Variants in LGALS3BP observed in about 807,000 individuals in gnomAD.
LGALS3BP encodes the protein galectin-3-binding protein.
A neutral mutation model predicts 22.9 loss-of-function variants in LGALS3BP; 25 were observed. The ratio of observed to expected loss-of-function variants is 1.09; its 90% CI spans 0.80 to 1.53. LGALS3BP has a LOEUF of 1.53. Ranked by LOEUF, LGALS3BP falls within the 40% of genes most tolerant of loss-of-function variation. LGALS3BP has a pLI of 0.00. For synonymous variants in LGALS3BP, 335 were observed against 331.1 expected (o/e 1.01, Z -0.13); for missense variants, 718 against 752.0 (o/e 0.95, Z 0.53).
Position 78,972,521 on chromosome 17 carries a change from C to T in LGALS3BP, c.813G>A (p.Gly271=). Residue 271 remains glycine (G), a synonymous_variant, in exon 6 of 6, where the codon GGG becomes GGA. Coordinates refer to ENST00000262776, the MANE Select transcript of LGALS3BP (RefSeq NM_005567.4). The surrounding 1 kb of genome is among the most constrained non-coding windows in gnomAD (Gnocchi z 5.1). The stretch of plus-strand genomic sequence containing the variant: ...GGCAGAGCTTCTCCAGCAGGGCGTC[C>T]CCTGTGGCCACTGCATAGGCATACA... ...LDLYAYAVAT[G]DALLEKLCLQ... The T allele has an allele frequency of 6.2e-7, 1 of 1,612,520 alleles. No homozygotes were observed. Among genetic ancestry groups the T allele is most frequent in the East Asian group, 2.2e-5 (1 of 44,860 alleles).
Position 78,971,346 on chromosome 17 carries a change from G to T in LGALS3BP, c.*230C>A. The T allele has an allele frequency of 1.8e-6, 1 of 563,416 alleles. No homozygotes were observed. Among genetic ancestry groups the T allele is most frequent in the Non-Finnish European group, 3.2e-6 (1 of 316,988 alleles). 34.9% of individuals were successfully genotyped at this position (563,416 alleles called of 1,614,324 possible). A position where few individuals can be genotyped will look rare whatever the true frequency, so the allele number is the denominator to read the frequency against. On this transcript the variant is annotated 3_prime_UTR_variant, in exon 6 of 6. Transcript: ENST00000262776. This position sits in a 1 kb window ranked among gnomAD's most constrained non-coding sequence, Gnocchi z 5.6. Reference sequence around the variant, plus strand: ...GGGGGATCCCAGAGCAACCTCGAGGGCGTCCTGGTGCTTACCACCTGGAAA... The same window carrying T: ...GGGGGATCCCAGAGCAACCTCGAGGTCGTCCTGGTGCTTACCACCTGGAAA...
Position 78,973,377 on chromosome 17 carries a change from G to A in LGALS3BP, c.377-155C>T. On this transcript the variant is annotated intron_variant, in intron 4 of 5. Coordinates refer to ENST00000262776, the MANE Select transcript of LGALS3BP (RefSeq NM_005567.4). The surrounding 1 kb of genome is among the most constrained non-coding windows in gnomAD (Gnocchi z 5.8). ...ACGAGGGACAAGAGAGACCGGAAGT[G>A]TCGGATTCCTGGACCCTGAGGCCCC... 2 of 933,570 alleles carry A rather than the reference G, an allele frequency of 2.1e-6. No individual in the cohort carries two copies. The highest frequency in any genetic ancestry group is 3.1e-6 in the Non-Finnish European group (2 of 646,836). 57.8% of individuals were successfully genotyped at this position (933,570 alleles called of 1,614,324 possible). A position where few individuals can be genotyped will look rare whatever the true frequency, so the allele number is the denominator to read the frequency against.
In LGALS3BP at chr17:78,974,561, G is replaced by C. The variant is rs948889747; in HGVS notation, c.376+127C>G. On this transcript the variant is annotated intron_variant, in intron 4 of 5. Transcript: ENST00000262776. Reference sequence around the variant, plus strand: ...ACGTCTGGGCCTCTCCATGCGGAGTGGGCAGGCGGTAGTGGAAGGAACCTT... The same window carrying C: ...ACGTCTGGGCCTCTCCATGCGGAGTCGGCAGGCGGTAGTGGAAGGAACCTT... 4 of 1,099,670 alleles carry C rather than the reference G, an allele frequency of 3.6e-6. No homozygotes were observed. In the African/African-American group the frequency reaches 6.2e-5, roughly 17 times the overall value. 68.1% of individuals were successfully genotyped at this position (1,099,670 alleles called of 1,614,324 possible). A position where few individuals can be genotyped will look rare whatever the true frequency, so the allele number is the denominator to read the frequency against.
At chr17:78,978,670 G>A (rs4789906) in intron 1 of LGALS3BP, among the ~76,000 whole-genome samples, 137,962 of 152,232 alleles carry the variant, frequency 0.91, 63,005 homozygotes, top group Non-Finnish European at 0.96. Context: ...CAGGCACGCC[G>A]GTATGGGTGG....
At chr17:78,978,059 C>T (rs1045151868) in intron 1 of LGALS3BP, among the ~76,000 whole-genome samples, 23 of 152,164 alleles carry the variant, frequency 1.5e-4, no homozygotes, top group African/African-American at 3.4e-4. Flanking sequence ...TTCTCTGGCT[C>T]GGTAAGAATC....
At position 78,973,146 on chromosome 17, in the gene LGALS3BP, C is replaced by A. The variant is rs1167894748; in HGVS notation, c.453G>T (p.Arg151=). The part of the protein sequence containing the change: ...EALGQIFDSQ[R]GCDLSISVNV... Reference sequence around the variant, plus strand: ...TCACGCTGATGGACAGGTCGCAGCCCCGCTGGCTGTCAAAGATCTGGCCAA... The same window carrying A: ...TCACGCTGATGGACAGGTCGCAGCCACGCTGGCTGTCAAAGATCTGGCCAA... Residue 151 remains arginine, a synonymous_variant, in exon 5 of 6, where the codon CGG becomes CGT. Transcript: ENST00000262776. This position sits in a 1 kb window ranked among gnomAD's most constrained non-coding sequence, Gnocchi z 5.8. 1 of 1,611,580 alleles carries A rather than the reference C, an allele frequency of 6.2e-7. No individual in the cohort carries two copies. The highest frequency in any genetic ancestry group is 1.1e-5 in the South Asian group (1 of 90,732).
chr17:78,979,588 T>C (rs2145826827), intron 1 of LGALS3BP: 1 of 152,262 alleles, frequency 6.6e-6, no homozygotes, highest in South Asian at 2.1e-4. Flanking sequence ...CTGTCTCTAC[T>C]AAAAATACAA....
chr17:78,976,145 C>A lies in LGALS3BP; in HGVS notation c.64G>T (p.Gly22Cys). 6.3e-7 allele frequency: 1 copy of A among 1,580,554 alleles called. No homozygotes were observed. Among genetic ancestry groups the A allele is most frequent in the Non-Finnish European group, 8.6e-7 (1 of 1,163,940 alleles). ...LVAGTQGVND[G>C]DMRLADGGAT... ...CCCCCATCGGCCAGCCGCATGTCAC[C>A]ATCGTTCACGCCTGCAGGCAGAGAC... The change falls in exon 3 of 6, where the codon GGT becomes TGT. Residue 22 changes from glycine to cysteine, a missense_variant. Gly to Cys is a radical substitution (Grantham distance 159). Transcript: ENST00000262776. The surrounding 1 kb of genome is among the most constrained non-coding windows in gnomAD (Gnocchi z 4.6).
At chr17:78,974,247 T>C (rs2070699349) in intron 4 of LGALS3BP, among the ~76,000 whole-genome samples, 1 of 152,220 alleles carries the variant, frequency 6.6e-6, no homozygotes, top group Non-Finnish European at 1.5e-5. Context: ...CAGAGCAGCC[T>C]GGGTTCCCTC....
intron 3 of LGALS3BP, 200 bp from the exon 4 acceptor site, chr17:78,975,019 C>T (rs2145823867): frequency 3.1e-6 from 2 of 639,276 alleles, no homozygotes; most frequent in East Asian, 2.8e-5. Flanking sequence ...AGCCTTCATG[C>T]TTATAAAGCT....
In LGALS3BP at chr17:78,976,739, C is replaced by T. The variant is rs183799963; in HGVS notation, c.52+401G>A. On this transcript the variant is annotated intron_variant, in intron 2 of 5. Transcript: ENST00000262776. This position sits in a 1 kb window ranked among gnomAD's most constrained non-coding sequence, Gnocchi z 4.6. Reference sequence around the variant, plus strand: ...GGGGGTACATCTGGCTTCCATGGGGCCCCCAGGATGAGCATGAGCTTCCAG... The same window carrying T: ...GGGGGTACATCTGGCTTCCATGGGGTCCCCAGGATGAGCATGAGCTTCCAG... 6.6e-4 allele frequency: 138 copies of T among 210,530 alleles called. No homozygotes were observed. Among genetic ancestry groups the T allele is most frequent in the African/African-American group, 3.0e-3 (128 of 42,596 alleles). The allele number at this position is 210,530 out of a possible 1,614,324, so 13.0% of individuals were successfully genotyped here. A position where few individuals can be genotyped will look rare whatever the true frequency, so the allele number is the denominator to read the frequency against.
chr17:78,976,456 G>A lies in LGALS3BP; in HGVS notation c.53-300C>T, dbSNP rs1011113929. On this transcript the variant is annotated intron_variant, in intron 2 of 5. Transcript: ENST00000262776. This position sits in a 1 kb window ranked among gnomAD's most constrained non-coding sequence, Gnocchi z 4.6. Reference sequence around the variant, plus strand: ...GTTCTCCAGCACTGGGAGTGGAGGTGGCAAGACCCTGAGGGAAGGATAGGA... The same window carrying A: ...GTTCTCCAGCACTGGGAGTGGAGGTAGCAAGACCCTGAGGGAAGGATAGGA... 2.6e-5 allele frequency among the ~76,000 whole-genome samples: 4 copies of A among 152,196 alleles called. No homozygotes were observed. The highest frequency in any genetic ancestry group is 5.9e-5 in the Non-Finnish European group (4 of 68,034).
chr17:78,975,964 C>A lies in LGALS3BP; in HGVS notation c.244+1G>T. ...CAGTGGAAGGGGACAGCAGGCCCTA[C>A]CTTGCCCGAAGGCAGCTCTGCCCAG... On this transcript the variant is annotated splice_donor_variant, in intron 3 of 5. Transcript: ENST00000262776. LOFTEE classifies it high-confidence loss of function. 6.2e-7 allele frequency: 1 copy of A among 1,602,340 alleles called. No individual in the cohort carries two copies. The highest frequency in any genetic ancestry group is 1.3e-5 in the African/African-American group (1 of 74,894).
Position 78,971,636 on chromosome 17 carries a change from G to C in LGALS3BP, c.1698C>G (p.Phe566Leu). ...GGCGGATGACCGTGCGGAAGCCGTT[G>C]AAGTGCCCTGCCGGGCAGGGGAAGG... ...TSSFPCPAGH[F>L]NGFRTVIRPF... The change falls in exon 6 of 6, where the codon TTC becomes TTG. Residue 566 changes from phenylalanine to leucine, a missense_variant. Coordinates refer to ENST00000262776, the MANE Select transcript of LGALS3BP (RefSeq NM_005567.4). This position sits in a 1 kb window ranked among gnomAD's most constrained non-coding sequence, Gnocchi z 5.6. 1.9e-6 allele frequency: 3 copies of C among 1,613,818 alleles called. No individual in the cohort carries two copies. The highest frequency in any genetic ancestry group is 2.5e-6 in the Non-Finnish European group (3 of 1,180,010).
rs766296956 is a variant in LGALS3BP, at chr17:78,971,640, T to C, written c.1694A>G (p.His565Arg). ...GATGACCGTGCGGAAGCCGTTGAAG[T>C]GCCCTGCCGGGCAGGGGAAGGAGGA... ...STSSFPCPAG[H>R]FNGFRTVIRP... The change falls in exon 6 of 6, where the codon CAC (histidine) becomes CGC (arginine). Residue 565 changes from histidine to arginine, a missense_variant. His to Arg is a conservative substitution (Grantham distance 29). Transcript: ENST00000262776. This position sits in a 1 kb window ranked among gnomAD's most constrained non-coding sequence, Gnocchi z 5.6. 3.7e-6 allele frequency: 6 copies of C among 1,613,796 alleles called. No individual in the cohort carries two copies. The South Asian group carries it at 6.6e-5, about 18-fold the overall frequency.
rs931968084 is a variant in LGALS3BP, at chr17:78,976,479, G to C, written c.53-323C>G. Reference sequence around the variant, plus strand: ...GTGGCAAGACCCTGAGGGAAGGATAGGAGGGGAACGGAGGCCCCGTGCTGA... The same window carrying C: ...GTGGCAAGACCCTGAGGGAAGGATACGAGGGGAACGGAGGCCCCGTGCTGA... On this transcript the variant is annotated intron_variant, in intron 2 of 5. Transcript: ENST00000262776. This position sits in a 1 kb window ranked among gnomAD's most constrained non-coding sequence, Gnocchi z 4.6. Among the ~76,000 whole-genome samples, 3 of 152,204 alleles carry C rather than the reference G, an allele frequency of 2.0e-5. No homozygotes were observed. Among genetic ancestry groups the C allele is most frequent in the African/African-American group, 7.2e-5 (3 of 41,450 alleles).
In LGALS3BP at chr17:78,971,559, C is replaced by A. The variant is rs1357313547; in HGVS notation, c.*17G>T. ...TCCTGGGGTTCTCCGGTTCTCACCACCCTTGGGCCACGCCGTCTAGTCCAC... is the reference window on the plus strand; with the variant it reads ...TCCTGGGGTTCTCCGGTTCTCACCAACCTTGGGCCACGCCGTCTAGTCCAC... On this transcript the variant is annotated 3_prime_UTR_variant, in exon 6 of 6. Transcript: ENST00000262776. The surrounding 1 kb of genome is among the most constrained non-coding windows in gnomAD (Gnocchi z 5.6). 6 of 1,605,494 alleles carry A rather than the reference C, an allele frequency of 3.7e-6. No individual in the cohort carries two copies. In the East Asian group the frequency reaches 1.1e-4, roughly 30 times the overall value.
rs1599203984 is a variant in LGALS3BP at position 78,977,138 on chromosome 17, A to C, written c.52+2T>G. 2 of 1,613,192 alleles carry C rather than the reference A, an allele frequency of 1.2e-6. No homozygotes were observed. Among genetic ancestry groups the C allele is most frequent in the Non-Finnish European group, 1.7e-6 (2 of 1,179,944 alleles). On this transcript the variant is annotated splice_donor_variant, in intron 2 of 5. Transcript: ENST00000262776. LOFTEE classifies it high-confidence loss of function. ...TTGGTATTTCCCAGGGGCTCAGCTCACCTTGGGTTCCTGCAACCAGCAGCC... is the reference window on the plus strand; with the variant it reads ...TTGGTATTTCCCAGGGGCTCAGCTCCCCTTGGGTTCCTGCAACCAGCAGCC...
Position 78,971,394 on chromosome 17 carries a change from C to T in LGALS3BP, c.*182G>A. 1.6e-6 allele frequency: 1 copy of T among 613,426 alleles called. No individual in the cohort carries two copies. The highest frequency in any genetic ancestry group is 2.8e-6 in the Non-Finnish European group (1 of 353,638). The allele number at this position is 613,426 out of a possible 1,614,324, so 38.0% of individuals were successfully genotyped here. A position where few individuals can be genotyped will look rare whatever the true frequency, so the allele number is the denominator to read the frequency against. The stretch of plus-strand genomic sequence containing the variant: ...AAACTGGTGAGGTGGTGGGAGAACT[C>T]CTGGTGGACCCTAGTGGAAGCCTTC... On this transcript the variant is annotated 3_prime_UTR_variant, in exon 6 of 6. Coordinates refer to ENST00000262776, the MANE Select transcript of LGALS3BP (RefSeq NM_005567.4). The surrounding 1 kb of genome is among the most constrained non-coding windows in gnomAD (Gnocchi z 5.6).
Sources: allele counts gnomAD v4.1 joint callset (sites outside exome capture counted in the v4.1 genomes callset), GRCh38; gene constraint gnomAD v4.1.1; non-coding constraint Gnocchi (gnomAD v3.1); transcripts MANE v1.5; gene names NCBI Gene and HGNC (gene_info 2026-07-23, HGNC 2026-07-21).